The following DNAJC7 variants were observed in gnomAD, a reference collection of about 807,000 sequenced individuals.
DNAJC7 encodes DnaJ heat shock protein family (Hsp40) member C7, also known as dnaJ homolog subfamily C member 7.
In DNAJC7, 18 loss-of-function variants were observed where a neutral mutation model predicts 67.4. The observed-to-expected ratio is 0.27, with a 90% confidence interval of 0.18 to 0.40. The LOEUF (loss-of-function observed/expected upper bound fraction) is 0.40. DNAJC7 is among the 10% of genes least tolerant of loss of function. DNAJC7 has a pLI of 1.00. For synonymous variants in DNAJC7, 220 were observed against 207.8 expected, an observed-to-expected ratio of 1.06 and a Z score of -0.50; for missense variants, 419 against 613.8, an observed-to-expected ratio of 0.68 and a Z score of 3.35.
At chr17:42,011,421 C>T (rs2052112924) in intron 1 of DNAJC7, 1 of 152,192 alleles carries the variant, frequency 6.6e-6, no homozygotes, top group Non-Finnish European at 1.5e-5. Flanking sequence ...GTTTCTCTGG[C>T]ACTAGTTAAC....
intron 5 of DNAJC7, among the ~76,000 whole-genome samples, chr17:41,993,319 C>CGTG (rs2051558190): frequency 6.6e-6 from 1 of 152,042 alleles, no homozygotes. Flanking sequence ...ATTAGCTGGG[C>CGTG]GTGGTGGTGG....
chr17:41,979,126 G>C (rs1257800884), intron 12 of DNAJC7, among the ~76,000 whole-genome samples: 5 of 151,984 alleles, frequency 3.3e-5, no homozygotes, highest in Non-Finnish European at 4.4e-5. Flanking sequence ...ATCACACAAA[G>C]TCAGGAGTTT....
chr17:42,002,674 G>C (rs1188332502), intron 1 of DNAJC7, among the ~76,000 whole-genome samples: 1 of 152,176 alleles, frequency 6.6e-6, no homozygotes, highest in Non-Finnish European at 1.5e-5. Flanking sequence ...ATGTTTGTCA[G>C]AATACAAAGC....
rs375292557 is a variant in DNAJC7 at position 41,997,333 on chromosome 17, A to G, written c.167-94T>C. ...GCTGGGCGCAGTGGCTCATGCCCAT[A>G]ATCCCAGTACTTTGGGAGGCCAAGA... is the stretch of plus-strand genomic sequence containing the variant. On this transcript the variant is annotated intron_variant, in intron 2 of 13. Transcript: ENST00000457167. 98 of 1,484,534 alleles carry G rather than the reference A, an allele frequency of 6.6e-5. No homozygotes were observed. In the African/African-American group the frequency reaches 1.1e-3, roughly 16 times the overall value. The allele number at this position is 1,484,534 out of a possible 1,614,324, so 92.0% of individuals were successfully genotyped here. A position where few individuals can be genotyped will look rare whatever the true frequency, so the allele number is the denominator to read the frequency against.
chr17:41,983,436 C>T, intron 10 of DNAJC7, 127 bp downstream of exon 10: 1 of 871,234 alleles, frequency 1.1e-6, no homozygotes, highest in Non-Finnish European at 1.7e-6. Context: ...TTGTTCACTT[C>T]TTTCTGGCTG....
At chr17:41,978,765 A>G (rs2051160867) in intron 12 of DNAJC7, among the ~76,000 whole-genome samples, 1 of 152,250 alleles carries the variant, frequency 6.6e-6, no homozygotes, top group African/African-American at 2.4e-5. Context: ...CTGTAGTCCC[A>G]GCTACTTGGG....
intron 10 of DNAJC7, 121 bp downstream of exon 10, chr17:41,983,441 TG>T: frequency 1.1e-6 from 1 of 886,392 alleles, no homozygotes; most frequent in Non-Finnish European, 1.7e-6. Flanking sequence ...CACTTCTTTC[TG>T]GCTGGTGATC....
At chr17:41,978,453 A>G (rs1191635260) in intron 12 of DNAJC7, among the ~76,000 whole-genome samples, 1 of 151,796 alleles carries the variant, frequency 6.6e-6, no homozygotes, top group Non-Finnish European at 1.5e-5. Flanking sequence ...ATCCTTTCCT[A>G]CCTTTTGTGT....
At chr17:42,004,209 C>A (rs1555649842) in intron 1 of DNAJC7, among the ~76,000 whole-genome samples, 4 of 152,172 alleles carry the variant, frequency 2.6e-5, no homozygotes, top group African/African-American at 9.6e-5. Context: ...CCTGCCTAGA[C>A]CTCTCAAAGT....
intron 1 of DNAJC7, chr17:42,017,109 T>C (rs2052321685): frequency 2.8e-6 from 4 of 1,437,908 alleles, no homozygotes; most frequent in Non-Finnish European, 3.6e-6. Flanking sequence ...TCCTCTCAGC[T>C]GGAGAACAAG....
intron 5 of DNAJC7, among the ~76,000 whole-genome samples, chr17:41,990,637 C>A (rs2051489433): frequency 6.6e-6 from 1 of 151,032 alleles, no homozygotes; most frequent in African/African-American, 2.4e-5. Flanking sequence ...TTAATCCTCA[C>A]AAGAATTTTA....
intron 5 of DNAJC7, chr17:41,992,575 G>C (rs1401121896): frequency 1.3e-5 from 2 of 152,184 alleles, no homozygotes; most frequent in Non-Finnish European, 2.9e-5. Context: ...TGAGGGGGCA[G>C]GAAAAAGTCA....
intron 13 of DNAJC7, 107 bp from the exon 14 acceptor site, chr17:41,976,877 G>A: frequency 7.2e-7 from 1 of 1,392,840 alleles, no homozygotes; most frequent in Non-Finnish European, 9.8e-7. Context: ...CTCAAACACA[G>A]AGAGAAACTC....
At chr17:41,995,102 T>C in intron 4 of DNAJC7, 158 bp from the exon 5 acceptor site, 3 of 690,844 alleles carry the variant, frequency 4.3e-6, no homozygotes, top group Non-Finnish European at 7.7e-6. Context: ...CTGTTGTGAA[T>C]GGCCATTTTT....
At chr17:42,005,948 A>AT (rs1177333281) in intron 1 of DNAJC7, among the ~76,000 whole-genome samples, 30 of 131,054 alleles carry the variant, frequency 2.3e-4, no homozygotes, top group African/African-American at 4.3e-4. Context: ...TATTTATTTA[A>AT]TTTTTTTTAT....
chr17:41,999,062 A>G (rs1168166297), intron 2 of DNAJC7, among the ~76,000 whole-genome samples: 1 of 151,890 alleles, frequency 6.6e-6, no homozygotes, highest in Non-Finnish European at 1.5e-5. Context: ...GAAAAGAAAA[A>G]GAAAAAAGTT....
chr17:42,001,223 G>A (rs1440737367), intron 1 of DNAJC7, among the ~76,000 whole-genome samples: 1 of 152,128 alleles, frequency 6.6e-6, no homozygotes, highest in Admixed American at 6.6e-5. Context: ...ACTATAAGGA[G>A]CACCCATCCA....
Position 41,987,870 on chromosome 17 carries a change from G to A in DNAJC7, c.959C>T (p.Ala320Val). The change falls in exon 9 of 14, where the codon GCA becomes GTA. Residue 320 changes from alanine to valine, a missense_variant. Around this residue, in one of 4 missense-constraint regions of DNAJC7, gnomAD observed 161 missense variants for 252.2 expected, o/e 0.64. Transcript: ENST00000457167. ...TATGTAAGTGTCATCAAGCTTCACT[G>A]CATTTGTGCAGTCTTCTATTGCATC... Reference protein sequence around the residue: ...LDDAIEDCTNAVKLDDTYIKA... With the variant: ...LDDAIEDCTNVVKLDDTYIKA... 1 of 1,612,064 alleles carries A rather than the reference G, an allele frequency of 6.2e-7. No individual in the cohort carries two copies. Among genetic ancestry groups the A allele is most frequent in the Non-Finnish European group, 8.5e-7 (1 of 1,179,204 alleles).
chr17:41,995,374 T>G (rs1186082736), intron 4 of DNAJC7, among the ~76,000 whole-genome samples: 1 of 152,192 alleles, frequency 6.6e-6, no homozygotes, highest in Admixed American at 6.5e-5. Context: ...ATAAAGGCAA[T>G]GCATTGCCAG....
Sources: allele counts gnomAD v4.1 joint callset (sites outside exome capture counted in the v4.1 genomes callset), GRCh38; gene constraint gnomAD v4.1.1; regional missense constraint gnomAD v4.1.1; transcripts MANE v1.5; gene names NCBI Gene and HGNC (gene_info 2026-07-23, HGNC 2026-07-21).